The following CNBD1 variants were observed in gnomAD, a reference collection of about 807,000 sequenced individuals.
CNBD1 encodes the protein cyclic nucleotide binding domain containing 1.
In CNBD1, 71 loss-of-function variants were observed where a neutral mutation model predicts 54.4. The observed-to-expected ratio is 1.30, with a 90% CI of 1.08 to 1.59. The LOEUF is 1.59. Ranked by LOEUF, CNBD1 falls within the 40% of genes most tolerant of loss-of-function variation. The pLI is 0.00. For synonymous variants in CNBD1, 182 were observed against 170.7 expected (o/e 1.07, Z -0.51); for missense variants, 659 against 518.0 (o/e 1.27, Z -2.64).
chr8:87,278,831 A>G (rs992496705), intron 6 of CNBD1, among the ~76,000 whole-genome samples: 2 of 151,500 alleles, frequency 1.3e-5, no homozygotes, highest in East Asian at 3.9e-4. Flanking sequence ...TAGAAATAAA[A>G]TACATCAGAA....
rs192228924 is a variant in CNBD1 at position 87,379,941 on chromosome 8, A to T, written c.1304-2679A>T. ...AAATATGACCAAATGATTTACCAGA[A>T]ACCAGTTAGAAACATTTACCAAGTG... On this transcript the variant is annotated intron_variant, in intron 10 of 10. Transcript: ENST00000518476. 2.7e-3 allele frequency among the ~76,000 whole-genome samples: 402 copies of T among 151,610 alleles called. 5 individuals are homozygous for T. Among genetic ancestry groups the T allele is most frequent in the African/African-American group, 9.4e-3 (391 of 41,500 alleles).
intron 4 of CNBD1, among the ~76,000 whole-genome samples, chr8:87,047,256 G>C (rs13269880): frequency 0.11 from 16,671 of 152,082 alleles, 1,813 homozygotes; most frequent in African/African-American, 0.29. Flanking sequence ...GGGGATGTGT[G>C]TTCCTGGGTA....
At chr8:87,128,231 C>T (rs192876508) in intron 4 of CNBD1, among the ~76,000 whole-genome samples, 1 of 152,334 alleles carries the variant, frequency 6.6e-6, no homozygotes, top group Admixed American at 6.5e-5. Flanking sequence ...CAAGAAGGCA[C>T]TGAGCTGGTT....
intron 2 of CNBD1, among the ~76,000 whole-genome samples, chr8:87,423,580 A>C (rs28813112): frequency 0.3 from 44,341 of 147,202 alleles, 7,021 homozygotes; most frequent in Middle Eastern, 0.41. Flanking sequence ...GATTACATTT[A>C]TTGATTTGCG....
At chr8:87,051,666 A>G (rs1810314142) in intron 4 of CNBD1, among the ~76,000 whole-genome samples, 1 of 152,224 alleles carries the variant, frequency 6.6e-6, no homozygotes, top group Admixed American at 6.5e-5. Flanking sequence ...GCATGTCCTT[A>G]AGGCACAGAT....
chr8:86,933,938 G>T (rs1370499686), intron 3 of CNBD1, among the ~76,000 whole-genome samples: 1 of 151,948 alleles, frequency 6.6e-6, no homozygotes, highest in South Asian at 2.1e-4. Context: ...TAAATAATTG[G>T]ATGTTATGCC....
Position 87,353,674 on chromosome 8 carries a change from G to A in CNBD1, c.1191G>A (p.Lys397=). 1 of 1,602,406 alleles carries A rather than the reference G, an allele frequency of 6.2e-7. No homozygotes were observed. The change falls in exon 10 of 11, where the codon AAG becomes AAA. Residue 397 remains lysine (K), a synonymous_variant. Coordinates refer to ENST00000518476, the MANE Select transcript of CNBD1 (RefSeq NM_173538.3). Reference sequence around the variant, plus strand: ...AACTTGTTTATATGGGGAAACTTAAGGAGAAGGAGTCCTTTGGTGAGATTA... The same window carrying A: ...AACTTGTTTATATGGGGAAACTTAAAGAGAAGGAGTCCTTTGGTGAGATTA... ...SQKLVYMGKL[K]EKESFGEISV... is the part of the protein sequence containing the mutation.
chr8:86,892,465 A>C (rs1808783515), intron 2 of CNBD1, among the ~76,000 whole-genome samples: 1 of 152,170 alleles, frequency 6.6e-6, no homozygotes, highest in Admixed American at 6.5e-5. Flanking sequence ...TAACCTAAAT[A>C]TGATTGTTAA....
chr8:87,321,046 C>G (rs1809516893), intron 8 of CNBD1, among the ~76,000 whole-genome samples: 1 of 152,068 alleles, frequency 6.6e-6, no homozygotes, highest in Non-Finnish European at 1.5e-5. Flanking sequence ...GTAATTCCTT[C>G]TTATTTATAG....
intron 6 of CNBD1, among the ~76,000 whole-genome samples, chr8:87,279,361 G>T (rs886795515): frequency 4.0e-5 from 6 of 151,280 alleles, no homozygotes; most frequent in Admixed American, 2.7e-4. Context: ...ATGACACAAA[G>T]AAATAGAAAA....
At chr8:86,889,185 G>A (rs1586113678) in intron 2 of CNBD1, among the ~76,000 whole-genome samples, 1 of 152,246 alleles carries the variant, frequency 6.6e-6, no homozygotes, top group East Asian at 1.9e-4. Flanking sequence ...TATAGGTTTT[G>A]CATCATTCTG....
At chr8:87,223,489 G>A (rs1814395028) in intron 5 of CNBD1, among the ~76,000 whole-genome samples, 1 of 150,826 alleles carries the variant, frequency 6.6e-6, no homozygotes, top group Non-Finnish European at 1.5e-5. Context: ...AGAATATGCA[G>A]TGTTTGGTTT....
chr8:86,875,364 C>T (rs184924360), intron 1 of CNBD1, among the ~76,000 whole-genome samples: 80 of 152,208 alleles, frequency 5.3e-4, no homozygotes, highest in African/African-American at 1.8e-3. Context: ...TACCTTTCAC[C>T]CTACCTACTC....
chr8:87,018,151 A>G (rs974363247), intron 4 of CNBD1, among the ~76,000 whole-genome samples: 12 of 152,238 alleles, frequency 7.9e-5, no homozygotes, highest in African/African-American at 2.9e-4. Flanking sequence ...GCTGAGGCAG[A>G]AGAATCGCTT....
chr8:86,879,044 C>A lies in CNBD1; in HGVS notation c.89-8498C>A, dbSNP rs758677476. ...AAAATAATTAAAATATGATCTTCTG[C>A]AAGAAGCAGGGTGTTTTTAGATTTT... On this transcript the variant is annotated intron_variant, in intron 1 of 10. Coordinates refer to ENST00000518476, the MANE Select transcript of CNBD1 (RefSeq NM_173538.3). Among the ~76,000 whole-genome samples, 65 of 152,142 alleles carry A rather than the reference C, an allele frequency of 4.3e-4. 1 individual carries two copies. Among genetic ancestry groups the A allele is most frequent in the Non-Finnish European group, 1.0e-4 (7 of 68,020 alleles).
intron 4 of CNBD1, among the ~76,000 whole-genome samples, chr8:86,944,804 T>A (rs1807427749): frequency 1.3e-5 from 2 of 152,166 alleles, no homozygotes; most frequent in South Asian, 4.1e-4. Context: ...CATGTGTGGA[T>A]GCCAAAAGGA....
chr8:87,196,850 C>A (rs2130790392), intron 4 of CNBD1, among the ~76,000 whole-genome samples: 1 of 152,096 alleles, frequency 6.6e-6, no homozygotes, highest in East Asian at 1.9e-4. Context: ...TAAAATTTTG[C>A]TTTTGGCCGT....
chr8:86,880,539 G>A (rs1176331267), intron 1 of CNBD1, among the ~76,000 whole-genome samples: 1 of 152,096 alleles, frequency 6.6e-6, no homozygotes, highest in Non-Finnish European at 1.5e-5. Context: ...ATGGATTTTT[G>A]TACTGGAGGG....
chr8:87,361,561 G>A (rs1483518157), intron 10 of CNBD1, among the ~76,000 whole-genome samples: 1 of 151,522 alleles, frequency 6.6e-6, no homozygotes, highest in Non-Finnish European at 1.5e-5. Flanking sequence ...GTTTTAGGAA[G>A]GGAAAATCCT....
Sources: allele counts gnomAD v4.1 joint callset (sites outside exome capture counted in the v4.1 genomes callset), GRCh38; gene constraint gnomAD v4.1.1; transcripts MANE v1.5; gene names NCBI Gene and HGNC (gene_info 2026-07-23, HGNC 2026-07-21).